The following PLGRKT variants were observed in gnomAD, a reference collection of about 807,000 sequenced individuals.
PLGRKT encodes the protein plasminogen receptor (KT).
PLGRKT carries 22 observed loss-of-function variants against 18.5 expected under a neutral mutation model. The ratio of observed to expected loss-of-function variants is 1.19; its 90% CI spans 0.85 to 1.70. The LOEUF is 1.70. Ranked by LOEUF, PLGRKT falls within the 40% of genes most tolerant of loss-of-function variation. The probability of loss-of-function intolerance (pLI) is 0.00; values close to 1 mark genes in which losing one functional copy is unlikely to be tolerated. For missense variants in PLGRKT, 235 were observed against 174.4 expected (o/e 1.35, Z -1.96); for synonymous variants, 72 against 52.8 (o/e 1.36, Z -1.58).
At chr9:5,410,498 CAAA>C (rs59551404) in intron 3 of PLGRKT, among the ~76,000 whole-genome samples, 20 of 121,990 alleles carry the variant, frequency 1.6e-4, no homozygotes, top group Non-Finnish European at 2.5e-4. Flanking sequence ...GACTCTGTCT[CAAA>C]AAAAAAAAAA....
chr9:5,414,355 C>T (rs766971106), intron 3 of PLGRKT, among the ~76,000 whole-genome samples: 9 of 152,072 alleles, frequency 5.9e-5, no homozygotes, highest in South Asian at 2.1e-4. Context: ...TTAGTAGAGA[C>T]GGAGGTTTCA....
chr9:5,385,944 A>C (rs1163796591), intron 3 of PLGRKT, among the ~76,000 whole-genome samples: 1 of 151,874 alleles, frequency 6.6e-6, no homozygotes, highest in Non-Finnish European at 1.5e-5. Flanking sequence ...GTTATGGGTC[A>C]ATAAATGTTG....
At chr9:5,372,635 A>T (rs532046425) in intron 3 of PLGRKT, among the ~76,000 whole-genome samples, 1 of 152,246 alleles carries the variant, frequency 6.6e-6, no homozygotes, top group Middle Eastern at 3.4e-3. Flanking sequence ...TAAATATTGA[A>T]ATGTCACCTC....
intron 3 of PLGRKT, among the ~76,000 whole-genome samples, chr9:5,370,080 AAAAAATAAAAATAAAAGT>A (rs1255714113): frequency 6.6e-6 from 1 of 152,184 alleles, no homozygotes; most frequent in Non-Finnish European, 1.5e-5. Context: ...AAAGTATAAT[AAAAAATAAAAATAAAAGT>A]AAAAATAAAA....
At chr9:5,412,785 T>C (rs1818389823) in intron 3 of PLGRKT, among the ~76,000 whole-genome samples, 1 of 152,114 alleles carries the variant, frequency 6.6e-6, no homozygotes, top group Non-Finnish European at 1.5e-5. Flanking sequence ...AAAACTAAAC[T>C]TTTTTTCATG....
Position 5,431,893 on chromosome 9 carries a change from A to G in PLGRKT, c.81+4T>C. The G allele has an allele frequency of 7.2e-7, 1 of 1,384,946 alleles. No individual in the cohort carries two copies. The highest frequency in any genetic ancestry group is 1.0e-6 in the Non-Finnish European group (1 of 973,606). The allele number at this position is 1,384,946 out of a possible 1,614,324, so 85.8% of individuals were successfully genotyped here. ...CATAATAGCTTAATTATTTTAAAAC[A>G]TACCTGAAGTCGAGCATTCATAAGC... On this transcript the variant is annotated splice_donor_region_variant and intron_variant, in intron 3 of 5. Coordinates refer to ENST00000223864, the MANE Select transcript of PLGRKT (RefSeq NM_018465.4).
intron 3 of PLGRKT, among the ~76,000 whole-genome samples, chr9:5,364,611 G>A (rs1817342312): frequency 1.3e-5 from 2 of 152,186 alleles, no homozygotes; most frequent in Non-Finnish European, 2.9e-5. Flanking sequence ...AGGGTTGGGG[G>A]AAAAGAACTG....
At chr9:5,400,852 A>G (rs1298939076) in intron 3 of PLGRKT, among the ~76,000 whole-genome samples, 1 of 151,940 alleles carries the variant, frequency 6.6e-6, no homozygotes, top group African/African-American at 2.4e-5. Context: ...GCTGCTATTC[A>G]GCCATATGAT....
At chr9:5,365,532 C>A (rs964889404) in intron 3 of PLGRKT, among the ~76,000 whole-genome samples, 1 of 152,046 alleles carries the variant, frequency 6.6e-6, no homozygotes. Flanking sequence ...TACTTGCTCC[C>A]AATGAAAACA....
chr9:5,381,203 C>A lies in PLGRKT; in HGVS notation c.82-19315G>T, dbSNP rs561397742. Among the ~76,000 whole-genome samples the A allele has an allele frequency of 2.0e-3, 304 of 152,306 alleles. 4 individuals are homozygous for A. The highest frequency in any genetic ancestry group is 7.1e-3 in the African/African-American group (297 of 41,574). On this transcript the variant is annotated intron_variant, in intron 3 of 5. Coordinates refer to ENST00000223864, the MANE Select transcript of PLGRKT (RefSeq NM_018465.4). ...TGGAGCCAAATGTTAATAGCCAAGA[C>A]AATGGGGAAAATGTCTCCAGGGCAT... is the stretch of plus-strand genomic sequence containing the variant.
At chr9:5,414,293 A>G (rs1176957506) in intron 3 of PLGRKT, among the ~76,000 whole-genome samples, 1 of 152,108 alleles carries the variant, frequency 6.6e-6, no homozygotes, top group Non-Finnish European at 1.5e-5. Context: ...CAGCCTCCCA[A>G]GTAGCTGGTA....
At chr9:5,411,329 G>C (rs140015063) in intron 3 of PLGRKT, among the ~76,000 whole-genome samples, 99 of 149,176 alleles carry the variant, frequency 6.6e-4, no homozygotes, top group African/African-American at 2.4e-3. Flanking sequence ...AGGTTGCAGC[G>C]AGCCAAGGTT....
At chr9:5,413,166 C>G (rs1818397210) in intron 3 of PLGRKT, among the ~76,000 whole-genome samples, 1 of 152,198 alleles carries the variant, frequency 6.6e-6, no homozygotes, top group East Asian at 1.9e-4. Context: ...CAATATCTAA[C>G]AAGTACTTGC....
chr9:5,358,320 C>A lies in PLGRKT; in HGVS notation c.363G>T (p.Leu121Phe). The A allele has an allele frequency of 6.2e-7, 1 of 1,610,368 alleles. No individual in the cohort carries two copies. The highest frequency in any genetic ancestry group is 8.5e-7 in the Non-Finnish European group (1 of 1,176,896). The change falls in exon 6 of 6, where the codon TTG (leucine) becomes TTT (phenylalanine). Residue 121 changes from leucine to phenylalanine, a missense_variant. Transcript: ENST00000223864. ...AAGTGATCATTCCTCTTGGCAGCTG[C>A]AATTTACTCTTTTCTGTTTCCAGTA... ...EDILETEKSK[L>F]QLPRGMITFE...
At chr9:5,372,554 G>C (rs1390510184) in intron 3 of PLGRKT, among the ~76,000 whole-genome samples, 2 of 152,170 alleles carry the variant, frequency 1.3e-5, no homozygotes, top group Non-Finnish European at 2.9e-5. Flanking sequence ...CTGGAGAAAT[G>C]TTCAGCCAGA....
chr9:5,369,710 G>C (rs1405070935), intron 3 of PLGRKT, among the ~76,000 whole-genome samples: 1 of 152,160 alleles, frequency 6.6e-6, no homozygotes, highest in Non-Finnish European at 1.5e-5. Flanking sequence ...ATGATAGACT[G>C]GCTAAAGAAA....
At chr9:5,433,712 C>T (rs1461038306) in intron 2 of PLGRKT, among the ~76,000 whole-genome samples, 3 of 144,272 alleles carry the variant, frequency 2.1e-5, no homozygotes, top group Non-Finnish European at 4.5e-5. Context: ...AGGAGCGTCT[C>T]TGCCTGAGCA....
intron 3 of PLGRKT, among the ~76,000 whole-genome samples, chr9:5,424,718 G>C (rs562588864): frequency 7.7e-6 from 1 of 130,316 alleles, no homozygotes; most frequent in African/African-American, 3.3e-5. Flanking sequence ...GAGAGGGAGA[G>C]ACAGAGAGAG....
At chr9:5,359,483 T>C (rs890262369) in intron 5 of PLGRKT, among the ~76,000 whole-genome samples, 1 of 152,226 alleles carries the variant, frequency 6.6e-6, no homozygotes, top group Non-Finnish European at 1.5e-5. Context: ...GTAAAATTCA[T>C]TATAAAATTA....
Sources: gnomAD v4.1 joint callset for allele counts (sites outside exome capture counted in the v4.1 genomes callset) on GRCh38, gnomAD v4.1.1 for gene constraint, MANE v1.5 for transcripts, NCBI Gene and HGNC (gene_info 2026-07-23, HGNC 2026-07-21) for gene names.